NEK1: variants seen among roughly 807,000 people sequenced by gnomAD.
NEK1 encodes the protein serine/threonine-protein kinase Nek1.
In NEK1, 137 loss-of-function variants were observed where a neutral mutation model predicts 182.1. The observed-to-expected ratio is 0.75, with a 90% CI of 0.65 to 0.87. The LOEUF is 0.87. NEK1 is among the 40% of genes least tolerant of loss of function. The probability of loss-of-function intolerance (pLI) is 0.00; values close to 1 mark genes in which losing one functional copy is unlikely to be tolerated. For synonymous variants in NEK1, 513 were observed against 492.2 expected, an observed-to-expected ratio of 1.04 and a Z score of -0.56; for missense variants, 1,391 against 1,494.4, an observed-to-expected ratio of 0.93 and a Z score of 1.14.
At chr4:169,602,368 T>C (rs1770644009) in intron 3 of NEK1, 146 bp downstream of exon 3, 1 of 622,304 alleles carries the variant, frequency 1.6e-6, no homozygotes, top group South Asian at 2.1e-5. Context: ...AAAGAATATA[T>C]AGGCTATTCT....
intron 23 of NEK1, among the ~76,000 whole-genome samples, chr4:169,489,165 G>A (rs1374953370): frequency 5.3e-5 from 8 of 152,054 alleles, no homozygotes; most frequent in Non-Finnish European, 1.2e-4. Context: ...AATTCCCAAT[G>A]AATTTATTTG....
intron 27 of NEK1, among the ~76,000 whole-genome samples, chr4:169,454,563 C>G (rs187448558): frequency 5.3e-5 from 8 of 152,222 alleles, no homozygotes; most frequent in East Asian, 1.9e-4. Flanking sequence ...ATGTGGCCAA[C>G]AAACATATGA....
rs746011735 is a variant in NEK1, at chr4:169,581,443, AAT to A, written c.808-543_808-542del. Among the ~76,000 whole-genome samples the A allele has an allele frequency of 4.6e-5, 7 of 151,996 alleles. No individual in the cohort carries two copies. The East Asian group carries it at 7.7e-4, about 17-fold the overall frequency. On this transcript the variant is annotated intron_variant, in intron 10 of 35. Coordinates refer to ENST00000507142, the MANE Select transcript of NEK1 (RefSeq NM_001199397.3). ...CACCATGCCAGGCTGATTTAAAAAA[AAT>A]TTTTTTTGGTTTATTTTTTATGGAG...
intron 35 of NEK1, among the ~76,000 whole-genome samples, chr4:169,397,727 T>C (rs2110965321): frequency 1.3e-5 from 2 of 152,290 alleles, no homozygotes; most frequent in Admixed American, 1.3e-4. Flanking sequence ...GCAGGGGAAA[T>C]GGCCTTCTGT....
chr4:169,400,612 T>C lies in NEK1; in HGVS notation c.3623A>G (p.Asp1208Gly). 6.2e-7 allele frequency: 1 copy of C among 1,603,348 alleles called. No homozygotes were observed. Among genetic ancestry groups the C allele is most frequent in the Non-Finnish European group, 8.5e-7 (1 of 1,174,514 alleles). Residue 1208 changes from aspartate (D) to glycine (G), a missense_variant, in exon 34 of 36, where the codon GAT becomes GGT. Physicochemically the swap from Asp to Gly is moderately conservative, Grantham distance 94. Coordinates refer to ENST00000507142, the MANE Select transcript of NEK1 (RefSeq NM_001199397.3). ...DGEIASECECDSVFNHLEELR... is the reference protein window; with the variant it reads ...DGEIASECECGSVFNHLEELR... ...TTCCTCTAAATGGTTAAAGACACTA[T>C]CGCATTCACATTCACTAGCAATTTC... is the stretch of plus-strand genomic sequence containing the variant.
intron 18 of NEK1, among the ~76,000 whole-genome samples, chr4:169,542,207 G>A (rs1460996180): frequency 3.9e-5 from 6 of 152,042 alleles, no homozygotes; most frequent in Non-Finnish European, 7.4e-5. Flanking sequence ...GTTCCCCTTC[G>A]TGTGTCCATG....
intron 18 of NEK1, among the ~76,000 whole-genome samples, chr4:169,552,887 G>A (rs1007198807): frequency 2.6e-5 from 4 of 152,030 alleles, no homozygotes; most frequent in Non-Finnish European, 4.4e-5. Context: ...AAAAAAATAT[G>A]CACGGGTATG....
intron 23 of NEK1, among the ~76,000 whole-genome samples, chr4:169,505,800 A>T (rs537425180): frequency 6.6e-6 from 1 of 152,356 alleles, no homozygotes; most frequent in East Asian, 1.9e-4. Context: ...ACTGGATAAG[A>T]GGATAAGCAA....
intron 23 of NEK1, among the ~76,000 whole-genome samples, chr4:169,488,123 T>C (rs796320171): frequency 3.3e-5 from 5 of 152,342 alleles, no homozygotes; most frequent in African/African-American, 1.2e-4. Flanking sequence ...TTCTGTAGGT[T>C]GTCTGTTCAC....
chr4:169,492,906 G>A (rs779412413), intron 23 of NEK1, among the ~76,000 whole-genome samples: 4 of 152,142 alleles, frequency 2.6e-5, no homozygotes, highest in Admixed American at 6.5e-5. Flanking sequence ...AGGGGGCAGC[G>A]CCAATGCCTC....
At chr4:169,446,241 AG>A (rs1740538659) in intron 27 of NEK1, among the ~76,000 whole-genome samples, 1 of 152,270 alleles carries the variant, frequency 6.6e-6, no homozygotes, top group South Asian at 2.1e-4. Flanking sequence ...AATCAACAAA[AG>A]TTGGCGTTTT....
At chr4:169,496,263 G>A (rs1283753535) in intron 23 of NEK1, among the ~76,000 whole-genome samples, 1 of 152,176 alleles carries the variant, frequency 6.6e-6, no homozygotes, top group Middle Eastern at 3.4e-3. Flanking sequence ...TGTATCCTGA[G>A]ACTTTGCTGA....
chr4:169,400,419 CTTT>C, intron 34 of NEK1, 62 bp from the exon 35 acceptor site: 1 of 1,443,396 alleles, frequency 6.9e-7, no homozygotes, highest in Non-Finnish European at 9.2e-7. Context: ...GCAGACTTCA[CTTT>C]TTATTTATAA....
At chr4:169,460,468 G>T (rs886286172) in intron 27 of NEK1, among the ~76,000 whole-genome samples, 1 of 151,948 alleles carries the variant, frequency 6.6e-6, no homozygotes, top group African/African-American at 2.4e-5. Flanking sequence ...CTCCCACCAG[G>T]TTCCTCTCAT....
rs1739957274 is a variant in NEK1, at chr4:169,443,623, A to C, written c.2588-5364T>G. 3.3e-5 allele frequency among the ~76,000 whole-genome samples: 5 copies of C among 152,094 alleles called. No homozygotes were observed. The South Asian group carries it at 1.0e-3, about 32-fold the overall frequency. On this transcript the variant is annotated intron_variant, in intron 27 of 35. Transcript: ENST00000507142. ...CATAGAAAATTTCTCTAACGAAATAACAGCTGAAAATTTCCCAAGCCTTGT... is the reference window on the plus strand; with the variant it reads ...CATAGAAAATTTCTCTAACGAAATACCAGCTGAAAATTTCCCAAGCCTTGT...
At chr4:169,425,453 A>G (rs1012050001) in intron 30 of NEK1, among the ~76,000 whole-genome samples, 35 of 150,352 alleles carry the variant, frequency 2.3e-4, no homozygotes, top group African/African-American at 8.7e-4. Flanking sequence ...AAAAAAAAAA[A>G]AAGACATAAA....
chr4:169,467,474 T>C (rs1372809490), intron 26 of NEK1, among the ~76,000 whole-genome samples: 1 of 151,970 alleles, frequency 6.6e-6, no homozygotes, highest in Non-Finnish European at 1.5e-5. Flanking sequence ...GAGCTATAGC[T>C]AATAATTCAA....
chr4:169,438,154 A>G lies in NEK1; in HGVS notation c.2693T>C (p.Val898Ala), dbSNP rs747700130. Residue 898 changes from valine (V) to alanine (A), a missense_variant, in exon 28 of 36, where the codon GTT becomes GCT. Val to Ala is a moderately conservative substitution (Grantham distance 64, BLOSUM62 0). Around this residue, in one of 5 missense-constraint regions of NEK1, gnomAD observed 1,216 missense variants for 1,277.6 expected, o/e 0.95. Coordinates refer to ENST00000507142, the MANE Select transcript of NEK1 (RefSeq NM_001199397.3). ...INPSAIVDSPVETKSPEFSEA... is the reference protein window; with the variant it reads ...INPSAIVDSPAETKSPEFSEA... ...ACTGAACTCGGGACTTTTTGTCTCA[A>G]CAGGAGAATCAACAATAGCTGATGG... 3 of 1,610,676 alleles carry G rather than the reference A, an allele frequency of 1.9e-6. No individual in the cohort carries two copies. The highest frequency in any genetic ancestry group is 1.3e-5 in the African/African-American group (1 of 75,040).
At chr4:169,472,372 G>C (rs1746156517) in intron 26 of NEK1, among the ~76,000 whole-genome samples, 1 of 152,098 alleles carries the variant, frequency 6.6e-6, no homozygotes, top group African/African-American at 2.4e-5. Context: ...TTCATGGCTT[G>C]CCTTGGCTAG....
Sources: allele counts gnomAD v4.1 joint callset (sites outside exome capture counted in the v4.1 genomes callset), GRCh38; gene constraint gnomAD v4.1.1; regional missense constraint gnomAD v4.1.1; transcripts MANE v1.5; gene names NCBI Gene and HGNC (gene_info 2026-07-23, HGNC 2026-07-21).